Variants in LRRTM4 observed in about 807,000 individuals in gnomAD.
The protein encoded by LRRTM4 is leucine-rich repeat transmembrane neuronal protein 4.
Under a neutral mutation model 47.6 loss-of-function variants are expected in LRRTM4, and 25 were observed. The ratio of observed to expected loss-of-function variants is 0.53; its 90% CI spans 0.38 to 0.73. LRRTM4 has a LOEUF of 0.73. Ranked by LOEUF, LRRTM4 falls within the 30% of genes least tolerant of loss-of-function variation. LRRTM4 has a pLI of 0.00. For synonymous variants in LRRTM4, 311 were observed against 269.5 expected, an observed-to-expected ratio of 1.15 and a Z score of -1.51; for missense variants, 638 against 713.4, an observed-to-expected ratio of 0.89 and a Z score of 1.20.
At chr2:76,888,428 G>A (rs950069320) in intron 3 of LRRTM4, among the ~76,000 whole-genome samples, 2 of 151,324 alleles carry the variant, frequency 1.3e-5, no homozygotes, top group Non-Finnish European at 1.5e-5. Flanking sequence ...ATATTCAAAA[G>A]TTTAACAGTT....
intron 3 of LRRTM4, among the ~76,000 whole-genome samples, chr2:77,022,559 A>T (rs1398625603): frequency 6.6e-6 from 1 of 152,186 alleles, no homozygotes; most frequent in African/African-American, 2.4e-5. Flanking sequence ...GATACAATGG[A>T]GGTACAGATA....
rs921645896 is a variant in LRRTM4, at chr2:77,522,143, C to A, written c.-182G>T. 7.0e-6 allele frequency: 5 copies of A among 715,742 alleles called. No homozygotes were observed. The East Asian group carries it at 1.1e-4, about 15-fold the overall frequency. The allele number at this position is 715,742 out of a possible 1,614,324, so 44.3% of individuals were successfully genotyped here. On this transcript the variant is annotated 5_prime_UTR_variant, in exon 1 of 4. Coordinates refer to ENST00000409884, the MANE Select transcript of LRRTM4 (RefSeq NM_001134745.3). ...CTTATTGTGCTGGCTTTTGCCATTC[C>A]CAGATAAAGCAATTCATCCTCTGGA...
chr2:77,277,428 AT>A (rs1008777235), intron 3 of LRRTM4, among the ~76,000 whole-genome samples: 2 of 152,074 alleles, frequency 1.3e-5, no homozygotes, highest in African/African-American at 4.8e-5. Flanking sequence ...GTTATAAAAA[AT>A]AGAGATTAAA....
intron 3 of LRRTM4, among the ~76,000 whole-genome samples, chr2:76,796,620 TAACA>T (rs757240463): frequency 9.3e-6 from 1 of 107,782 alleles, no homozygotes; most frequent in Non-Finnish European, 1.8e-5. Flanking sequence ...GAAGGAAAAC[TAACA>T]AACAGAAAGG....
intron 3 of LRRTM4, among the ~76,000 whole-genome samples, chr2:76,876,376 A>C (rs1233894842): frequency 6.6e-6 from 1 of 152,132 alleles, no homozygotes; most frequent in Non-Finnish European, 1.5e-5. Context: ...ATTGTTATAT[A>C]ATTTTTGCTA....
chr2:77,471,512 C>G (rs987180884), intron 3 of LRRTM4, among the ~76,000 whole-genome samples: 1 of 152,090 alleles, frequency 6.6e-6, no homozygotes, highest in African/African-American at 2.4e-5. Context: ...GACTGGTTGG[C>G]CATTACCTTC....
intron 3 of LRRTM4, among the ~76,000 whole-genome samples, chr2:76,908,244 A>T (rs1558730808): frequency 6.6e-6 from 1 of 152,016 alleles, no homozygotes; most frequent in East Asian, 1.9e-4. Context: ...GACAAAAACC[A>T]CATGATTATC....
intron 3 of LRRTM4, among the ~76,000 whole-genome samples, chr2:77,024,896 TGATA>T (rs1678400263): frequency 6.6e-6 from 1 of 152,160 alleles, no homozygotes; most frequent in African/African-American, 2.4e-5. Context: ...ACTTCTTAAT[TGATA>T]ATGTGGATAA....
rs1167518345 is a variant in LRRTM4 at position 76,800,953 on chromosome 2, C to G, written c.1552-52037G>C. Among the ~76,000 whole-genome samples, 8 of 150,332 alleles carry G rather than the reference C, an allele frequency of 5.3e-5. No homozygotes were observed. The East Asian group carries it at 1.6e-3, about 31-fold the overall frequency. Reference sequence around the variant, plus strand: ...GCCATCAGAGAAATGCAAATGAAAACCACAATGAGATACCATCTCACACCA... The same window carrying G: ...GCCATCAGAGAAATGCAAATGAAAAGCACAATGAGATACCATCTCACACCA... On this transcript the variant is annotated intron_variant, in intron 3 of 3. Coordinates refer to ENST00000409884, the MANE Select transcript of LRRTM4 (RefSeq NM_001134745.3).
chr2:77,021,812 A>C (rs1333347459), intron 3 of LRRTM4, among the ~76,000 whole-genome samples: 1 of 150,874 alleles, frequency 6.6e-6, no homozygotes, highest in African/African-American at 2.4e-5. Context: ...AATTTTTAAT[A>C]TGTATTCAAG....
chr2:76,908,038 C>CA (rs1673911963), intron 3 of LRRTM4, among the ~76,000 whole-genome samples: 2 of 151,286 alleles, frequency 1.3e-5, no homozygotes, highest in Non-Finnish European at 3.0e-5. Context: ...GAGACACAGC[C>CA]AAAAAACAGA....
rs561189618 is a variant in LRRTM4, at chr2:77,162,106, C to G, written c.1551+356212G>C. Among the ~76,000 whole-genome samples, 72 of 152,312 alleles carry G rather than the reference C, an allele frequency of 4.7e-4. 1 individual carries two copies. The South Asian group carries it at 0.015, about 31-fold the overall frequency. On this transcript the variant is annotated intron_variant, in intron 3 of 3. Coordinates refer to ENST00000409884, the MANE Select transcript of LRRTM4 (RefSeq NM_001134745.3). ...CCATGACAGGCGGTACCTGGAAAAT[C>G]AGGACACTACCACCCTAATACTGTG... is the stretch of plus-strand genomic sequence containing the variant.
chr2:76,982,220 C>T (rs552350445), intron 3 of LRRTM4, among the ~76,000 whole-genome samples: 2 of 152,124 alleles, frequency 1.3e-5, no homozygotes, highest in African/African-American at 4.8e-5. Context: ...AGTCTTCTTG[C>T]ATTTGAATAC....
At chr2:76,781,296 T>G (rs59740353) in intron 3 of LRRTM4, among the ~76,000 whole-genome samples, 1 of 143,284 alleles carries the variant, frequency 7.0e-6, no homozygotes, top group East Asian at 2.3e-4. Context: ...TCGAGCTTCC[T>G]GGCTGCTTTG....
intron 3 of LRRTM4, among the ~76,000 whole-genome samples, chr2:76,762,365 T>G (rs1673290130): frequency 6.6e-6 from 1 of 152,044 alleles, no homozygotes; most frequent in African/African-American, 2.4e-5. Context: ...TCCACACCAT[T>G]TCTATAATAT....
intron 3 of LRRTM4, among the ~76,000 whole-genome samples, chr2:77,288,300 C>T (rs1676719672): frequency 6.6e-6 from 1 of 151,450 alleles, no homozygotes; most frequent in Non-Finnish European, 1.5e-5. Flanking sequence ...AATTGAAATA[C>T]ACTTTGAAGA....
At chr2:76,900,054 C>G (rs1673570113) in intron 3 of LRRTM4, among the ~76,000 whole-genome samples, 1 of 151,978 alleles carries the variant, frequency 6.6e-6, no homozygotes. Flanking sequence ...TATGGTGAAA[C>G]CCAGTCTCTA....
chr2:77,392,858 A>ATAG (rs1673556633), intron 3 of LRRTM4, among the ~76,000 whole-genome samples: 1 of 152,036 alleles, frequency 6.6e-6, no homozygotes, highest in South Asian at 2.1e-4. Context: ...AACTGCTAAG[A>ATAG]TAGTAGATTT....
At chr2:76,831,649 T>C (rs1671354827) in intron 3 of LRRTM4, among the ~76,000 whole-genome samples, 1 of 152,110 alleles carries the variant, frequency 6.6e-6, no homozygotes. Flanking sequence ...ATCCATAAAC[T>C]AAATTGAAAC....
Sources: allele counts gnomAD v4.1 joint callset (sites outside exome capture counted in the v4.1 genomes callset), GRCh38; gene constraint gnomAD v4.1.1; transcripts MANE v1.5; gene names NCBI Gene and HGNC (gene_info 2026-07-23, HGNC 2026-07-21).